The following AGAP1 variants were observed in gnomAD, a reference collection of about 807,000 sequenced individuals.
AGAP1 encodes the protein ArfGAP with GTPase domain, ankyrin repeat and PH domain 1, also known as arf-GAP with GTPase, ANK repeat and PH domain-containing protein 1.
Under a neutral mutation model 105.3 loss-of-function variants are expected in AGAP1, and 29 were observed. The ratio of observed to expected loss-of-function variants is 0.28; its 90% CI spans 0.21 to 0.38. AGAP1 has a LOEUF of 0.38. Ranked by LOEUF, AGAP1 falls within the 10% of genes least tolerant of loss-of-function variation. The pLI is 1.00. For synonymous variants in AGAP1, 509 were observed against 485.9 expected (o/e 1.05, Z -0.63); for missense variants, 998 against 1,165.1 (o/e 0.86, Z 2.09).
At chr2:236,116,846 G>C (rs1296652168) in intron 16 of AGAP1, among the ~76,000 whole-genome samples, 1 of 151,624 alleles carries the variant, frequency 6.6e-6, no homozygotes, top group Non-Finnish European at 1.5e-5. Flanking sequence ...GAGAACATGC[G>C]ATGTTTGGCT....
At chr2:235,494,922 G>A in intron 1 of AGAP1, 73 bp downstream of exon 1, 1 of 1,411,728 alleles carries the variant, frequency 7.1e-7, no homozygotes, top group Non-Finnish European at 9.4e-7. Context: ...TGCGCTGTGT[G>A]CGTGCGGGTG....
intron 12 of AGAP1, among the ~76,000 whole-genome samples, chr2:235,938,233 C>T (rs982413676): frequency 2.6e-5 from 4 of 152,242 alleles, no homozygotes; most frequent in Non-Finnish European, 5.9e-5. Context: ...GAGATGAGTG[C>T]CAGAGCCTTA....
chr2:235,797,931 AAT>A (rs772727527), intron 7 of AGAP1, 45 bp downstream of exon 7: 7 of 1,607,774 alleles, frequency 4.4e-6, no homozygotes, highest in Non-Finnish European at 5.9e-6. Flanking sequence ...AACCAAAGAC[AAT>A]ATGCAAATAG....
At chr2:236,032,167 C>A (rs2057244309) in intron 13 of AGAP1, among the ~76,000 whole-genome samples, 1 of 152,300 alleles carries the variant, frequency 6.6e-6, no homozygotes, top group Admixed American at 6.5e-5. Context: ...AAACTCTTTG[C>A]TTTCACAATT....
rs754456624 is a variant in AGAP1 at position 236,129,145 on chromosome 2, C to T, written c.*5023C>T. On this transcript the variant is annotated 3_prime_UTR_variant, in exon 18 of 18. Transcript: ENST00000304032. The surrounding 1 kb of genome is among the most constrained non-coding windows in gnomAD (Gnocchi z 6.2). The stretch of plus-strand genomic sequence containing the variant: ...GCGTGCATTCTCCACCTTTCCGCGG[C>T]TTGCGCTTGGATTTCTGAGTGGCTT... 2 of 152,272 alleles carry T rather than the reference C, an allele frequency of 1.3e-5. No individual in the cohort carries two copies. The highest frequency in any genetic ancestry group is 4.8e-5 in the African/African-American group (2 of 41,462). 9.4% of individuals were successfully genotyped at this position (152,272 alleles called of 1,614,324 possible). A position where few individuals can be genotyped will look rare whatever the true frequency, so the allele number is the denominator to read the frequency against.
In AGAP1 at chr2:235,709,339, G is replaced by A. The variant is rs1950711846; in HGVS notation, c.222+102G>A. ...AACTGGTCATCGCCTGGGGCCCAGA[G>A]TGGAAGTGTGACTCTGGGTGTGTTC... is the stretch of plus-strand genomic sequence containing the variant. On this transcript the variant is annotated intron_variant, in intron 2 of 17. Coordinates refer to ENST00000304032, the MANE Select transcript of AGAP1 (RefSeq NM_001037131.3). 4 of 1,332,798 alleles carry A rather than the reference G, an allele frequency of 3.0e-6. No individual in the cohort carries two copies. In the East Asian group the frequency reaches 6.9e-5, roughly 23 times the overall value. The allele number at this position is 1,332,798 out of a possible 1,614,324, so 82.6% of individuals were successfully genotyped here. A position where few individuals can be genotyped will look rare whatever the true frequency, so the allele number is the denominator to read the frequency against.
chr2:235,651,709 T>C (rs886604970), intron 1 of AGAP1, among the ~76,000 whole-genome samples: 1 of 152,170 alleles, frequency 6.6e-6, no homozygotes, highest in Non-Finnish European at 1.5e-5. Flanking sequence ...AAGGGAAACC[T>C]TTTTATAAAC....
chr2:235,606,104 T>A (rs1310368458), intron 1 of AGAP1, among the ~76,000 whole-genome samples: 1 of 152,214 alleles, frequency 6.6e-6, no homozygotes, highest in Admixed American at 6.5e-5. Context: ...TGTTGAATAT[T>A]CATGGTTCCC....
rs2050452611 is a variant in AGAP1, at chr2:235,889,969, T to G, written c.1155+6520T>G. Among the ~76,000 whole-genome samples, 1 of 152,090 alleles carries G rather than the reference T, an allele frequency of 6.6e-6. No individual in the cohort carries two copies. Among genetic ancestry groups the G allele is most frequent in the Admixed American group, 6.5e-5 (1 of 15,280 alleles). ...CCAGATCTGCTCAGCTTGGGTTCTGTGAAGTCTTGACCCCAGCCATCACCC... is the reference window on the plus strand; with the variant it reads ...CCAGATCTGCTCAGCTTGGGTTCTGGGAAGTCTTGACCCCAGCCATCACCC... On this transcript the variant is annotated intron_variant, in intron 10 of 17. Coordinates refer to ENST00000304032, the MANE Select transcript of AGAP1 (RefSeq NM_001037131.3). This position sits in a 1 kb window ranked among gnomAD's most constrained non-coding sequence, Gnocchi z 4.6.
At chr2:235,528,770 G>A (rs888891367) in intron 1 of AGAP1, among the ~76,000 whole-genome samples, 2 of 152,078 alleles carry the variant, frequency 1.3e-5, no homozygotes, top group African/African-American at 2.4e-5. Context: ...TCCGCCTCCC[G>A]GGTTGCAAGC....
chr2:235,783,999 T>C (rs77439144), intron 6 of AGAP1, among the ~76,000 whole-genome samples: 6 of 148,062 alleles, frequency 4.1e-5, no homozygotes, highest in East Asian at 2.6e-4. Context: ...GACGGATGGA[T>C]GGGTGGATAG....
chr2:235,852,770 C>CCAGT, intron 9 of AGAP1: 1 of 1,537,800 alleles, frequency 6.5e-7, no homozygotes. Context: ...CTCCCCCTGG[C>CCAGT]CAGGGCCGAG....
Position 236,036,881 on chromosome 2 carries a change from G to A in AGAP1, c.1800+166G>A, listed in dbSNP as rs375080054. 6.6e-6 allele frequency among the ~76,000 whole-genome samples: 1 copy of A among 152,218 alleles called. No homozygotes were observed. The highest frequency in any genetic ancestry group is 1.9e-4 in the East Asian group (1 of 5,192). On this transcript the variant is annotated intron_variant, in intron 14 of 17. Transcript: ENST00000304032. This position sits in a 1 kb window ranked among gnomAD's most constrained non-coding sequence, Gnocchi z 5.7. ...TAACTAAAACGATCAGAAGCACTTT[G>A]TGTCTATACCATCATACATGAGTAT...
At position 235,635,468 on chromosome 2, in the gene AGAP1, C is replaced by T. The variant is rs1413311476; in HGVS notation, c.164-73711C>T. Among the ~76,000 whole-genome samples the T allele has an allele frequency of 2.6e-5, 4 of 152,184 alleles. No homozygotes were observed. The highest frequency in any genetic ancestry group is 2.1e-4 in the South Asian group (1 of 4,812). The stretch of plus-strand genomic sequence containing the variant: ...ATTTGTCATTTTGGTGTGGTGAATT[C>T]GTTCTTTTATTCATCATCCAAAAAG... On this transcript the variant is annotated intron_variant, in intron 1 of 17. Transcript: ENST00000304032. The surrounding 1 kb of genome is among the most constrained non-coding windows in gnomAD (Gnocchi z 5.3).
At chr2:236,079,737 C>CAGGGA (rs1005768803) in intron 16 of AGAP1, among the ~76,000 whole-genome samples, 10 of 151,896 alleles carry the variant, frequency 6.6e-5, no homozygotes, top group African/African-American at 2.4e-4. Flanking sequence ...GTTGGTGGGA[C>CAGGGA]AGGGAAGGGG....
rs1064086 is a variant in AGAP1 at position 236,125,417 on chromosome 2, G to A, written c.*1295G>A. On this transcript the variant is annotated 3_prime_UTR_variant, in exon 18 of 18. Coordinates refer to ENST00000304032, the MANE Select transcript of AGAP1 (RefSeq NM_001037131.3). This position sits in a 1 kb window ranked among gnomAD's most constrained non-coding sequence, Gnocchi z 5.2. The stretch of plus-strand genomic sequence containing the variant: ...TCCATTAATGTGATCTACGGCTTTT[G>A]AAAAGGAGCATCTCAGAATAAGATG... 0.49 allele frequency: 74,574 copies of A among 152,132 alleles called. 21,087 individuals are homozygous for A. Among genetic ancestry groups the A allele is most frequent in the African/African-American group, 0.79 (32,606 of 41,458 alleles). The allele number at this position is 152,132 out of a possible 1,614,324, so 9.4% of individuals were successfully genotyped here.
In AGAP1 at chr2:235,927,014, T is replaced by G. The variant is rs1257570403; in HGVS notation, c.1325-3751T>G. On this transcript the variant is annotated intron_variant, in intron 11 of 17. Coordinates refer to ENST00000304032, the MANE Select transcript of AGAP1 (RefSeq NM_001037131.3). This position sits in a 1 kb window ranked among gnomAD's most constrained non-coding sequence, Gnocchi z 4.4. ...GATCAACTAAGTAAAAATGTCTCTA[T>G]GAGCTCAGCCTGGACGTCAGGCGAT... Among the ~76,000 whole-genome samples, 1 of 152,264 alleles carries G rather than the reference T, an allele frequency of 6.6e-6. No homozygotes were observed. The highest frequency in any genetic ancestry group is 1.5e-5 in the Non-Finnish European group (1 of 68,042).
intron 1 of AGAP1, among the ~76,000 whole-genome samples, chr2:235,637,572 G>A (rs565445166): frequency 3.7e-4 from 57 of 152,054 alleles, no homozygotes; most frequent in Non-Finnish European, 7.1e-4. Flanking sequence ...ATGAGCCACC[G>A]TGCTCGGCCT....
At chr2:236,093,570 G>A (rs2059117836) in intron 16 of AGAP1, among the ~76,000 whole-genome samples, 1 of 152,214 alleles carries the variant, frequency 6.6e-6, no homozygotes, top group African/African-American at 2.4e-5. Context: ...AAGAAGAGTA[G>A]GGTTTGGAAG....
Sources: gnomAD v4.1 joint callset for allele counts (sites outside exome capture counted in the v4.1 genomes callset) on GRCh38, gnomAD v4.1.1 for gene constraint, Gnocchi (gnomAD v3.1) non-coding constraint, MANE v1.5 for transcripts, NCBI Gene and HGNC (gene_info 2026-07-23, HGNC 2026-07-21) for gene names.